Variants in STYX observed in about 807,000 individuals in gnomAD.
STYX encodes the protein serine/threonine/tyrosine interacting protein.
STYX carries 20 observed loss-of-function variants against 42.7 expected under a neutral mutation model. That is an observed-to-expected ratio of 0.47 (90% CI 0.33 to 0.68). STYX has a LOEUF of 0.68. Ranked by LOEUF, STYX falls within the 30% of genes least tolerant of loss-of-function variation. The pLI is 0.02. For synonymous variants in STYX, 78 were observed against 81.9 expected, an observed-to-expected ratio of 0.95 and a Z score of 0.26; for missense variants, 226 against 268.5, an observed-to-expected ratio of 0.84 and a Z score of 1.11.
chr14:52,734,366 C>A (rs1340502011), intron 1 of STYX, among the ~76,000 whole-genome samples: 3 of 152,196 alleles, frequency 2.0e-5, no homozygotes, highest in Non-Finnish European at 4.4e-5. Flanking sequence ...AAATCTTATT[C>A]AACGGTTTTT....
chr14:52,757,032 C>A (rs1881899509), intron 5 of STYX, among the ~76,000 whole-genome samples: 1 of 152,090 alleles, frequency 6.6e-6, no homozygotes, highest in African/African-American at 2.4e-5. Flanking sequence ...TTTGCTATGA[C>A]TGAAAATTAT....
intron 4 of STYX, among the ~76,000 whole-genome samples, chr14:52,754,354 A>G (rs1044173481): frequency 6.6e-6 from 1 of 151,014 alleles, no homozygotes; most frequent in African/African-American, 2.4e-5. Context: ...CTGGGACTAC[A>G]GGTGCACCAC....
In STYX at chr14:52,771,017, A is replaced by G. The variant is rs1489776654; in HGVS notation, c.599-16A>G. ...TTATTTTAGTGCCCTTTTAATCTTC[A>G]TGCAATAACTTTTAGGCAGTTTGAA... On this transcript the variant is annotated splice_polypyrimidine_tract_variant and intron_variant, in intron 10 of 10. Coordinates refer to ENST00000354586, the MANE Select transcript of STYX (RefSeq NM_145251.4). 1.4e-5 allele frequency: 22 copies of G among 1,609,792 alleles called. No individual in the cohort carries two copies. The highest frequency in any genetic ancestry group is 1.7e-5 in the Non-Finnish European group (20 of 1,177,728).
chr14:52,763,785 G>A lies in STYX; in HGVS notation c.504+4031G>A, dbSNP rs151077832. On this transcript the variant is annotated intron_variant, in intron 9 of 10. Transcript: ENST00000354586. ...GGCATTTGAAAAGAAGATGCATTCT[G>A]TTTTCAGGGGATAAAGTTAAATGTA... Among the ~76,000 whole-genome samples the A allele has an allele frequency of 9.9e-3, 1,505 of 152,222 alleles. 82 individuals are homozygous for A. The highest frequency in any genetic ancestry group is 0.093 in the Admixed American group (1,419 of 15,284).
chr14:52,757,225 A>G, intron 5 of STYX, 94 bp from the exon 6 acceptor site: 1 of 1,005,862 alleles, frequency 9.9e-7, no homozygotes, highest in East Asian at 2.6e-5. Context: ...TTTTATACAT[A>G]TAAATTAGGA....
At chr14:52,764,250 C>T (rs911867582) in intron 9 of STYX, among the ~76,000 whole-genome samples, 22 of 152,178 alleles carry the variant, frequency 1.4e-4, no homozygotes, top group Admixed American at 1.4e-3. Flanking sequence ...CTCGGCCTCC[C>T]AAAGTGCTGG....
chr14:52,771,144 G>A lies in STYX; in HGVS notation c.*38G>A. 1.3e-6 allele frequency: 2 copies of A among 1,540,574 alleles called. No individual in the cohort carries two copies. The highest frequency in any genetic ancestry group is 1.9e-5 in the Admixed American group (1 of 52,958). ...CATCATAGAGTGTGAATTTCTATTT[G>A]GGAAGGAGAAAATACAAGAGAAAAT... On this transcript the variant is annotated 3_prime_UTR_variant, in exon 11 of 11. Transcript: ENST00000354586.
chr14:52,736,567 C>G (rs1880960959), intron 1 of STYX, among the ~76,000 whole-genome samples: 1 of 152,112 alleles, frequency 6.6e-6, no homozygotes, highest in South Asian at 2.1e-4. Flanking sequence ...TCCATGTTTC[C>G]CTTTCCATTT....
intron 1 of STYX, among the ~76,000 whole-genome samples, chr14:52,741,211 TA>T (rs1158451584): frequency 8.1e-4 from 112 of 138,980 alleles, no homozygotes; most frequent in African/African-American, 2.9e-3. Context: ...TATATGTTTT[TA>T]TATATATATA....
At chr14:52,756,649 A>G (rs1423089667) in intron 5 of STYX, 38 bp downstream of exon 5, 1 of 338,142 alleles carries the variant, frequency 3.0e-6, no homozygotes, top group Non-Finnish European at 5.0e-6. Flanking sequence ...TTTAAAATTT[A>G]TTTATGATTT....
intron 3 of STYX, among the ~76,000 whole-genome samples, chr14:52,747,048 A>G (rs1881422459): frequency 6.6e-6 from 1 of 152,214 alleles, no homozygotes; most frequent in South Asian, 2.1e-4. Context: ...GGGATGCTCA[A>G]TTATAAGTAT....
rs1423686338 is a variant in STYX, at chr14:52,772,608, A to G, written c.*1502A>G. 6.6e-6 allele frequency: 1 copy of G among 152,560 alleles called. No individual in the cohort carries two copies. The highest frequency in any genetic ancestry group is 1.5e-5 in the Non-Finnish European group (1 of 68,008). 9.5% of individuals were successfully genotyped at this position (152,560 alleles called of 1,614,324 possible). A position where few individuals can be genotyped will look rare whatever the true frequency, so the allele number is the denominator to read the frequency against. On this transcript the variant is annotated 3_prime_UTR_variant, in exon 11 of 11. Coordinates refer to ENST00000354586, the MANE Select transcript of STYX (RefSeq NM_145251.4). ...CTTTACTAATGGGAATGATTTCTGT[A>G]TGTTCCCTTGGTACCAAGAGGTACT...
intron 4 of STYX, among the ~76,000 whole-genome samples, chr14:52,755,005 CTG>C (rs1426751856): frequency 4.6e-5 from 7 of 152,042 alleles, no homozygotes; most frequent in Non-Finnish European, 1.0e-4. Context: ...TTTTATGTAA[CTG>C]GAATACCCAG....
chr14:52,752,489 T>C (rs1232427192), intron 4 of STYX, among the ~76,000 whole-genome samples: 1 of 151,870 alleles, frequency 6.6e-6, no homozygotes, highest in African/African-American at 2.4e-5. Context: ...AATTTAATGC[T>C]CTGCTTTATT....
chr14:52,751,847 A>G lies in STYX; in HGVS notation c.242+1067A>G, dbSNP rs186011460. Reference sequence around the variant, plus strand: ...CTGGGAGGCAGCTTCTTCCTTCAATATCTATGTAAAAGTATATATGTTAAA... The same window carrying G: ...CTGGGAGGCAGCTTCTTCCTTCAATGTCTATGTAAAAGTATATATGTTAAA... On this transcript the variant is annotated intron_variant, in intron 4 of 10. Transcript: ENST00000354586. 1.7e-3 allele frequency among the ~76,000 whole-genome samples: 259 copies of G among 152,218 alleles called. 1 individual carries two copies. Among genetic ancestry groups the G allele is most frequent in the Non-Finnish European group, 2.6e-3 (174 of 68,006 alleles).
In STYX at chr14:52,774,399, A is replaced by C. The variant is rs1255869730; in HGVS notation, c.*3293A>C. On this transcript the variant is annotated 3_prime_UTR_variant, in exon 11 of 11. Coordinates refer to ENST00000354586, the MANE Select transcript of STYX (RefSeq NM_145251.4). ...AAGTAAATGAGCAGTTACCTGGCGG[A>C]TTTTTTTTTTTTTAAATAACTGATT... is the stretch of plus-strand genomic sequence containing the variant. 6.7e-6 allele frequency: 1 copy of C among 149,712 alleles called. No homozygotes were observed. The highest frequency in any genetic ancestry group is 6.7e-5 in the Admixed American group (1 of 14,986). 9.3% of individuals were successfully genotyped at this position (149,712 alleles called of 1,614,324 possible).
chr14:52,747,194 A>G (rs1316253926), intron 3 of STYX, among the ~76,000 whole-genome samples: 1 of 152,248 alleles, frequency 6.6e-6, no homozygotes, highest in Non-Finnish European at 1.5e-5. Flanking sequence ...TGCAGTTAAA[A>G]TAGGTAGATC....
At chr14:52,730,998 A>G (rs1293707946) in intron 1 of STYX, among the ~76,000 whole-genome samples, 4 of 152,252 alleles carry the variant, frequency 2.6e-5, no homozygotes, top group Non-Finnish European at 5.9e-5. Flanking sequence ...TTTTTAGACA[A>G]AGCTATGACC....
chr14:52,765,979 A>T lies in STYX; in HGVS notation c.505-2861A>T, dbSNP rs1007484921. ...CATCTAGATGACCATAAGATGCTTTATCAAGGTGTATCCTGGTTTTTTATG... is the reference window on the plus strand; with the variant it reads ...CATCTAGATGACCATAAGATGCTTTTTCAAGGTGTATCCTGGTTTTTTATG... On this transcript the variant is annotated intron_variant, in intron 9 of 10. Transcript: ENST00000354586. 6.6e-5 allele frequency among the ~76,000 whole-genome samples: 10 copies of T among 152,176 alleles called. No homozygotes were observed. The East Asian group carries it at 1.7e-3, about 27-fold the overall frequency.
Sources: allele counts gnomAD v4.1 joint callset (sites outside exome capture counted in the v4.1 genomes callset), GRCh38; gene constraint gnomAD v4.1.1; transcripts MANE v1.5; gene names NCBI Gene and HGNC (gene_info 2026-07-23, HGNC 2026-07-21).